The following MDN1 variants were observed in gnomAD, a reference collection of about 807,000 sequenced individuals.
MDN1 encodes the protein midasin AAA ATPase 1.
Under a neutral mutation model 669.2 loss-of-function variants are expected in MDN1, and 266 were observed. The observed-to-expected ratio is 0.40, with a 90% confidence interval of 0.36 to 0.44. The LOEUF (loss-of-function observed/expected upper bound fraction) is 0.44, where lower values mean the gene tolerates loss of function less well. MDN1 is among the 20% of genes least tolerant of loss of function. MDN1 has a pLI of 1.00. For synonymous variants in MDN1, 2,385 were observed against 2,457.1 expected (o/e 0.97, Z 0.87); for missense variants, 5,940 against 6,754.0 (o/e 0.88, Z 4.22).
At chr6:89,656,520 ATC>A (rs1809313461) in intron 91 of MDN1, among the ~76,000 whole-genome samples, 178 bp downstream of exon 91, 1 of 152,028 alleles carries the variant, frequency 6.6e-6, no homozygotes, top group Admixed American at 6.6e-5. Flanking sequence ...CCGTGACGGG[ATC>A]CCACTGGGTA....
chr6:89,724,984 A>G (rs1288444821), intron 38 of MDN1, among the ~76,000 whole-genome samples: 1 of 152,194 alleles, frequency 6.6e-6, no homozygotes, highest in Non-Finnish European at 1.5e-5. Flanking sequence ...ACTTTCTTCC[A>G]GCTGATAACA....
chr6:89,713,381 C>T, intron 46 of MDN1, 85 bp from the exon 47 acceptor site: 1 of 1,241,874 alleles, frequency 8.1e-7, no homozygotes, highest in Non-Finnish European at 1.1e-6. Context: ...TCCCATCAAA[C>T]CTCCTTCCTG....
chr6:89,711,337 A>C (rs993613608), intron 49 of MDN1, among the ~76,000 whole-genome samples: 2 of 152,206 alleles, frequency 1.3e-5, no homozygotes, highest in African/African-American at 4.8e-5. Context: ...ATATTCAAAA[A>C]TTTAAAAAAA....
At chr6:89,803,162 C>T (rs1767774352) in intron 2 of MDN1, among the ~76,000 whole-genome samples, 166 bp downstream of exon 2, 1 of 152,150 alleles carries the variant, frequency 6.6e-6, no homozygotes, top group Non-Finnish European at 1.5e-5. Flanking sequence ...CTGAACTGAG[C>T]TGGATAAATG....
intron 15 of MDN1, among the ~76,000 whole-genome samples, chr6:89,764,987 G>C (rs185852085): frequency 6.6e-6 from 1 of 152,152 alleles, no homozygotes; most frequent in Non-Finnish European, 1.5e-5. Flanking sequence ...GGCTGGGCGC[G>C]GTGGCTCACG....
intron 2 of MDN1, among the ~76,000 whole-genome samples, chr6:89,796,006 C>T (rs996645805): frequency 6.6e-6 from 1 of 151,090 alleles, no homozygotes; most frequent in Non-Finnish European, 1.5e-5. Flanking sequence ...ATAACCAATG[C>T]CATGGAAATA....
At chr6:89,791,231 G>A (rs1026478777) in intron 5 of MDN1, among the ~76,000 whole-genome samples, 10 of 152,084 alleles carry the variant, frequency 6.6e-5, no homozygotes, top group African/African-American at 2.4e-4. Context: ...ATCTATTACT[G>A]TTGGATTTTT....
intron 91 of MDN1, 132 bp downstream of exon 91, chr6:89,656,568 A>C: frequency 1.4e-6 from 1 of 738,608 alleles, no homozygotes; most frequent in Non-Finnish European, 2.3e-6. Flanking sequence ...CAAGGCTGCT[A>C]TCATATCTGA....
In MDN1 at chr6:89,644,934, C is replaced by A. The variant is rs1407253127; in HGVS notation, c.16602+81G>T. ...GGAGTTCTCAGTATGACTGAGTGAT[C>A]CAGGCCATATTTCAGATTGAACAGG... On this transcript the variant is annotated intron_variant, in intron 101 of 101. Coordinates refer to ENST00000369393, the MANE Select transcript of MDN1 (RefSeq NM_014611.3). 3 of 1,434,488 alleles carry A rather than the reference C, an allele frequency of 2.1e-6. No individual in the cohort carries two copies. The African/African-American group carries it at 4.2e-5, about 20-fold the overall frequency. The allele number at this position is 1,434,488 out of a possible 1,614,324, so 88.9% of individuals were successfully genotyped here. A position where few individuals can be genotyped will look rare whatever the true frequency, so the allele number is the denominator to read the frequency against.
At chr6:89,796,726 A>C (rs1378694895) in intron 2 of MDN1, among the ~76,000 whole-genome samples, 1 of 152,178 alleles carries the variant, frequency 6.6e-6, no homozygotes, top group Non-Finnish European at 1.5e-5. Context: ...GCTCTAAATT[A>C]AGTATTAAAA....
At chr6:89,720,677 T>C (rs777101916) in intron 40 of MDN1, among the ~76,000 whole-genome samples, 1 of 152,196 alleles carries the variant, frequency 6.6e-6, no homozygotes, top group South Asian at 2.1e-4. Flanking sequence ...ATTAATATAC[T>C]ATAAGTGGAT....
chr6:89,714,411 A>G (rs941991416), intron 46 of MDN1, 132 bp downstream of exon 46: 2 of 890,472 alleles, frequency 2.2e-6, no homozygotes, highest in Non-Finnish European at 3.3e-6. Context: ...GGAAATCCAC[A>G]TTTTTAACAA....
intron 11 of MDN1, among the ~76,000 whole-genome samples, chr6:89,779,908 A>G (rs533306174): frequency 1.3e-5 from 2 of 152,188 alleles, no homozygotes; most frequent in African/African-American, 4.8e-5. Flanking sequence ...TCTACTAAAA[A>G]TACAAAAATT....
At chr6:89,770,647 G>A (rs1243732801) in intron 15 of MDN1, among the ~76,000 whole-genome samples, 1 of 151,932 alleles carries the variant, frequency 6.6e-6, no homozygotes, top group Non-Finnish European at 1.5e-5. Context: ...TGGGACTACA[G>A]CACACCACCA....
At chr6:89,680,037 G>C (rs1476015931) in intron 74 of MDN1, among the ~76,000 whole-genome samples, 1 of 152,192 alleles carries the variant, frequency 6.6e-6, no homozygotes, top group African/African-American at 2.4e-5. Context: ...TGCAGTTGGG[G>C]GGTAGATGGG....
chr6:89,805,034 C>CAAAAAAA (rs34538984), intron 1 of MDN1, among the ~76,000 whole-genome samples: 7 of 58,520 alleles, frequency 1.2e-4, no homozygotes, highest in Admixed American at 2.3e-4. Context: ...GACTCCGTCT[C>CAAAAAAA]AAAAAAAAAA....
In MDN1 at chr6:89,819,767, G is replaced by A; in HGVS notation, c.-160C>T. 4.8e-6 allele frequency: 3 copies of A among 621,224 alleles called. No individual in the cohort carries two copies. The highest frequency in any genetic ancestry group is 2.7e-5 in the Admixed American group (1 of 36,702). 38.5% of individuals were successfully genotyped at this position (621,224 alleles called of 1,614,324 possible). A position where few individuals can be genotyped will look rare whatever the true frequency, so the allele number is the denominator to read the frequency against. On this transcript the variant is annotated 5_prime_UTR_variant, in exon 1 of 102. Transcript: ENST00000369393. The stretch of plus-strand genomic sequence containing the variant: ...ACACCGGGAGAGGGGCACCACACGT[G>A]GGTGAGCACACGGCGTTTGACGTCA...
chr6:89,812,002 T>A (rs940928228), intron 1 of MDN1, among the ~76,000 whole-genome samples: 1 of 151,988 alleles, frequency 6.6e-6, no homozygotes, highest in Non-Finnish European at 1.5e-5. Flanking sequence ...TTTTTTTTTT[T>A]CTGAGATGGA....
rs757361813 is a variant in MDN1 at position 89,664,607 on chromosome 6, C to G, written c.14116G>C (p.Gly4706Arg). The change falls in exon 85 of 102, where the codon GGT becomes CGT. Residue 4706 changes from glycine to arginine, a missense_variant. By Grantham distance (125) the Gly-to-Arg change is moderately radical (BLOSUM62 -2). Transcript: ENST00000369393. ...EEQVEDTFQKGQEKDKEDPDS... is the reference protein window; with the variant it reads ...EEQVEDTFQKRQEKDKEDPDS... Reference sequence around the variant, plus strand: ...GGATCCTCTTTGTCTTTTTCTTGACCCTTCTGAAATGTATCTTCCACCTAC... The same window carrying G: ...GGATCCTCTTTGTCTTTTTCTTGACGCTTCTGAAATGTATCTTCCACCTAC... 14 of 1,610,952 alleles carry G rather than the reference C, an allele frequency of 8.7e-6. No homozygotes were observed. Among genetic ancestry groups the G allele is most frequent in the Non-Finnish European group, 1.2e-5 (14 of 1,177,816 alleles).
Sources: allele counts gnomAD v4.1 joint callset (sites outside exome capture counted in the v4.1 genomes callset), GRCh38; gene constraint gnomAD v4.1.1; transcripts MANE v1.5; gene names NCBI Gene and HGNC (gene_info 2026-07-23, HGNC 2026-07-21).